Variants in VIT observed in about 807,000 individuals in gnomAD.
The protein encoded by VIT is vitrin.
A neutral mutation model predicts 78.0 loss-of-function variants in VIT; 99 were observed. That is an observed-to-expected ratio of 1.27 (90% CI 1.08 to 1.50). VIT has a LOEUF of 1.50. Ranked by LOEUF, VIT falls within the 40% of genes most tolerant of loss-of-function variation. VIT has a pLI of 0.00. For missense variants in VIT, 1,126 were observed against 875.3 expected, an observed-to-expected ratio of 1.29 and a Z score of -3.61; for synonymous variants, 374 against 334.3, an observed-to-expected ratio of 1.12 and a Z score of -1.29.
chr2:36,707,813 GC>G (rs1470298503), intron 1 of VIT, among the ~76,000 whole-genome samples: 1 of 149,148 alleles, frequency 6.7e-6, no homozygotes, highest in African/African-American at 2.5e-5. Context: ...AATTTCCCCT[GC>G]CTTCCTTACC....
chr2:36,762,704 G>A (rs1193022559), intron 6 of VIT, among the ~76,000 whole-genome samples: 1 of 152,116 alleles, frequency 6.6e-6, no homozygotes, highest in East Asian at 1.9e-4. Context: ...TCAGGTCTCC[G>A]CATGACCCTA....
intron 2 of VIT, among the ~76,000 whole-genome samples, chr2:36,721,984 G>C (rs1488298701): frequency 6.6e-6 from 1 of 152,162 alleles, no homozygotes; most frequent in Non-Finnish European, 1.5e-5. Flanking sequence ...TGTATCTCTA[G>C]TGCTGACCAC....
chr2:36,791,290 G>A (rs768683480), intron 12 of VIT, among the ~76,000 whole-genome samples: 1 of 152,180 alleles, frequency 6.6e-6, no homozygotes, highest in Non-Finnish European at 1.5e-5. Context: ...AAGACTCGTG[G>A]TCATGCATTC....
chr2:36,761,583 AC>A (rs1363940507), intron 6 of VIT, among the ~76,000 whole-genome samples: 3 of 152,044 alleles, frequency 2.0e-5, no homozygotes, highest in Non-Finnish European at 2.9e-5. Context: ...TACTAAAAAT[AC>A]GAAAAATTAG....
intron 12 of VIT, chr2:36,787,953 A>T (rs996299724): frequency 2.0e-5 from 7 of 346,952 alleles, no homozygotes; most frequent in African/African-American, 1.5e-4. Context: ...TCCAGTCTCA[A>T]TCTTTCATTT....
intron 3 of VIT, among the ~76,000 whole-genome samples, chr2:36,734,040 T>C (rs543823126): frequency 4.9e-4 from 74 of 152,324 alleles, no homozygotes; most frequent in Non-Finnish European, 8.2e-4. Flanking sequence ...GTGTGGCTCC[T>C]GGACCGGCAG....
chr2:36,699,045 T>A, intron 1 of VIT, among the ~76,000 whole-genome samples: 1 of 152,148 alleles, frequency 6.6e-6, no homozygotes, highest in African/African-American at 2.4e-5. Flanking sequence ...TAATAAAAAC[T>A]TCATGGCCCC....
At chr2:36,806,578 A>T (rs953681541) in intron 14 of VIT, among the ~76,000 whole-genome samples, 1 of 151,162 alleles carries the variant, frequency 6.6e-6, no homozygotes, top group Admixed American at 6.6e-5. Flanking sequence ...ACGGAGTCTC[A>T]CTCTGTCGCC....
intron 2 of VIT, among the ~76,000 whole-genome samples, chr2:36,723,189 T>G (rs1666621778): frequency 6.6e-6 from 1 of 152,134 alleles, no homozygotes; most frequent in South Asian, 2.1e-4. Flanking sequence ...CTACACACCA[T>G]TTGTAATAAA....
At chr2:36,748,579 C>G (rs1436607939) in intron 4 of VIT, among the ~76,000 whole-genome samples, 1 of 152,068 alleles carries the variant, frequency 6.6e-6, no homozygotes, top group South Asian at 2.1e-4. Context: ...TTTTTCAATC[C>G]CAGAAGTTCA....
At chr2:36,732,145 C>T (rs1308794310) in intron 3 of VIT, among the ~76,000 whole-genome samples, 1 of 152,202 alleles carries the variant, frequency 6.6e-6, no homozygotes. Flanking sequence ...GTATGAATTC[C>T]TTCGGGCTGT....
chr2:36,771,270 C>T (rs1669734557), intron 7 of VIT, among the ~76,000 whole-genome samples: 1 of 152,198 alleles, frequency 6.6e-6, no homozygotes, highest in South Asian at 2.1e-4. Flanking sequence ...TGGCTCACGC[C>T]TGTAATCTCA....
intron 1 of VIT, among the ~76,000 whole-genome samples, chr2:36,708,114 C>T (rs1243783810): frequency 6.7e-6 from 1 of 148,562 alleles, no homozygotes; most frequent in Non-Finnish European, 1.5e-5. Flanking sequence ...AGGACCTCCC[C>T]CCCCCGCCCA....
chr2:36,730,469 G>C (rs368141983), intron 3 of VIT, among the ~76,000 whole-genome samples: 6 of 152,148 alleles, frequency 3.9e-5, no homozygotes, highest in South Asian at 2.1e-4. Context: ...TGCCCAAAAT[G>C]GCTGCCCCAG....
At chr2:36,786,596 A>G (rs116155923) in intron 11 of VIT, among the ~76,000 whole-genome samples, 15 of 152,344 alleles carry the variant, frequency 9.8e-5, no homozygotes, top group Admixed American at 2.6e-4. Flanking sequence ...ATATGTAGAT[A>G]ATTTCTTTGG....
intron 6 of VIT, among the ~76,000 whole-genome samples, 164 bp from the exon 7 acceptor site, chr2:36,766,930 T>G (rs1351650897): frequency 6.6e-6 from 1 of 152,264 alleles, no homozygotes. Context: ...GAGCATACAT[T>G]CTTTCAGGCA....
chr2:36,713,190 G>A (rs901934032), intron 1 of VIT, among the ~76,000 whole-genome samples: 1 of 152,200 alleles, frequency 6.6e-6, no homozygotes, highest in Non-Finnish European at 1.5e-5. Context: ...GATAACTAGG[G>A]AATGTCTCAT....
chr2:36,807,335 C>G (rs1384171459), intron 14 of VIT, among the ~76,000 whole-genome samples: 2 of 152,146 alleles, frequency 1.3e-5, no homozygotes, highest in Admixed American at 6.5e-5. Flanking sequence ...TATGACCCCC[C>G]ACAGCCCTGT....
chr2:36,699,503 C>T (rs183126532), intron 1 of VIT, among the ~76,000 whole-genome samples: 100 of 116,182 alleles, frequency 8.6e-4, no homozygotes, highest in African/African-American at 2.8e-3. Flanking sequence ...CTTCACAAGA[C>T]AATTAGAGGG....
Sources: gnomAD v4.1 joint callset for allele counts (sites outside exome capture counted in the v4.1 genomes callset) on GRCh38, gnomAD v4.1.1 for gene constraint, MANE v1.5 for transcripts, NCBI Gene and HGNC (gene_info 2026-07-23, HGNC 2026-07-21) for gene names.